ACOXL: variants seen among roughly 807,000 people sequenced by gnomAD.
ACOXL encodes the protein acyl-coenzyme A oxidase-like protein.
Under a neutral mutation model 71.9 loss-of-function variants are expected in ACOXL, and 70 were observed. That is an observed-to-expected ratio of 0.97 (90% CI 0.80 to 1.19). The LOEUF is 1.19. ACOXL is among the 50% of genes most tolerant of loss of function. The pLI is 0.00. For synonymous variants in ACOXL, 253 were observed against 281.6 expected, an observed-to-expected ratio of 0.90 and a Z score of 1.02; for missense variants, 703 against 736.3, an observed-to-expected ratio of 0.95 and a Z score of 0.52.
At chr2:110,772,614 C>T (rs1422982818) in intron 2 of ACOXL, among the ~76,000 whole-genome samples, 1 of 152,198 alleles carries the variant, frequency 6.6e-6, no homozygotes. Flanking sequence ...CCTTCTTCCC[C>T]TCCCCCAACC....
At chr2:110,768,819 T>C (rs1227820698) in intron 2 of ACOXL, among the ~76,000 whole-genome samples, 1 of 152,144 alleles carries the variant, frequency 6.6e-6, no homozygotes, top group African/African-American at 2.4e-5. Flanking sequence ...TTTCTGTTCC[T>C]ATGTTAATTT....
At chr2:110,776,563 G>A (rs1682678900) in intron 2 of ACOXL, among the ~76,000 whole-genome samples, 1 of 151,828 alleles carries the variant, frequency 6.6e-6, no homozygotes, top group East Asian at 1.9e-4. Flanking sequence ...GGAGGTCGGT[G>A]AACAGCATCC....
intron 15 of ACOXL, among the ~76,000 whole-genome samples, chr2:111,048,124 G>A (rs1395653600): frequency 1.3e-5 from 2 of 152,236 alleles, no homozygotes; most frequent in East Asian, 1.9e-4. Context: ...GAATCAGACT[G>A]TCCCTCAGCC....
At chr2:110,844,550 CTT>C (rs72290322) in intron 10 of ACOXL, among the ~76,000 whole-genome samples, 34 of 133,506 alleles carry the variant, frequency 2.5e-4, no homozygotes, top group East Asian at 1.5e-3. Flanking sequence ...CTTTTCTTTT[CTT>C]TTTTTTTTTT....
chr2:111,053,669 C>T (rs755050932), intron 16 of ACOXL, among the ~76,000 whole-genome samples: 1 of 152,184 alleles, frequency 6.6e-6, no homozygotes, highest in African/African-American at 2.4e-5. Context: ...AGTCTGCACT[C>T]GCACCATCAT....
intron 9 of ACOXL, among the ~76,000 whole-genome samples, chr2:110,831,788 T>C (rs951355880): frequency 6.6e-6 from 1 of 152,122 alleles, no homozygotes; most frequent in African/African-American, 2.4e-5. Context: ...CAATTGCCCG[T>C]TGATTCTTTA....
rs745480106 is a variant in ACOXL, at chr2:110,793,650, T to C, written c.160T>C (p.Cys54Arg). 6.2e-7 allele frequency: 1 copy of C among 1,613,818 alleles called. No individual in the cohort carries two copies. Among genetic ancestry groups the C allele is most frequent in the East Asian group, 2.2e-5 (1 of 44,876 alleles). ...TGGTTTGTATTGTCCTTGTTTCCAG[T>C]GCGGAATAATTTATTGGCTATTTGG... ...SMADMATGVK[C>R]GIIYWLFGGA... Residue 54 changes from cysteine to arginine, a missense_variant and splice_region_variant, in exon 4 of 18, where the codon TGC becomes CGC. Physicochemically the swap from Cys to Arg is radical, Grantham distance 180. Coordinates refer to ENST00000439055, the MANE Select transcript of ACOXL (RefSeq NM_001142807.4).
chr2:110,995,818 C>T, intron 13 of ACOXL, 75 bp from the exon 14 acceptor site: 3 of 1,162,532 alleles, frequency 2.6e-6, no homozygotes, highest in Non-Finnish European at 3.9e-6. Context: ...AAAAAACAAA[C>T]CTACTCTATT....
chr2:110,773,725 C>T (rs1353475022), intron 2 of ACOXL, among the ~76,000 whole-genome samples: 1 of 152,234 alleles, frequency 6.6e-6, no homozygotes. Flanking sequence ...TATATACTGT[C>T]TTTGGCAGGA....
chr2:111,044,549 C>G (rs893970019), intron 15 of ACOXL, among the ~76,000 whole-genome samples: 1 of 152,192 alleles, frequency 6.6e-6, no homozygotes, highest in Non-Finnish European at 1.5e-5. Context: ...AGCACTGAAG[C>G]CCCAGGTGCA....
intron 2 of ACOXL, among the ~76,000 whole-genome samples, chr2:110,779,174 T>C (rs1324191905): frequency 1.3e-5 from 2 of 152,240 alleles, no homozygotes; most frequent in Non-Finnish European, 2.9e-5. Context: ...TCATCAATCC[T>C]GCACTGGGCT....
chr2:111,104,172 A>T (rs1195729256), intron 17 of ACOXL, among the ~76,000 whole-genome samples: 1 of 152,200 alleles, frequency 6.6e-6, no homozygotes, highest in African/African-American at 2.4e-5. Flanking sequence ...CTTCCTTTTT[A>T]TCGCTAAGTA....
At chr2:110,841,349 T>A in intron 9 of ACOXL, 22 bp from the exon 10 acceptor site, 1 of 1,589,920 alleles carries the variant, frequency 6.3e-7, no homozygotes, top group Non-Finnish European at 8.6e-7. Context: ...CTTAATTTGT[T>A]TTTCTCTCTT....
At chr2:110,898,459 C>T (rs2059103179) in intron 10 of ACOXL, among the ~76,000 whole-genome samples, 1 of 152,096 alleles carries the variant, frequency 6.6e-6, no homozygotes. Context: ...TCAATTTGAT[C>T]TACCATATTA....
At chr2:110,783,125 T>C in intron 2 of ACOXL, among the ~76,000 whole-genome samples, 1 of 152,204 alleles carries the variant, frequency 6.6e-6, no homozygotes, top group East Asian at 1.9e-4. Flanking sequence ...CAGGTGACTC[T>C]GGTGGGACAA....
At chr2:110,967,738 C>G (rs2061994533) in intron 12 of ACOXL, 2 of 517,734 alleles carry the variant, frequency 3.9e-6, no homozygotes, top group Non-Finnish European at 3.5e-6. Flanking sequence ...AACTACTAGA[C>G]AGCAAATCAG....
chr2:110,796,731 C>T (rs993054631), intron 5 of ACOXL, among the ~76,000 whole-genome samples: 3 of 152,192 alleles, frequency 2.0e-5, no homozygotes, highest in African/African-American at 7.2e-5. Context: ...GCCCTGGCTA[C>T]CCTGATAAGA....
At chr2:111,004,838 A>G (rs1015599538) in intron 14 of ACOXL, among the ~76,000 whole-genome samples, 1 of 152,170 alleles carries the variant, frequency 6.6e-6, no homozygotes, top group Non-Finnish European at 1.5e-5. Flanking sequence ...GGGACAGAGA[A>G]CGGAGAGTGA....
rs79928054 is a variant in ACOXL, at chr2:110,874,197, G to A, written c.788+32792G>A. 3.4e-4 allele frequency among the ~76,000 whole-genome samples: 52 copies of A among 152,318 alleles called. No individual in the cohort carries two copies. In the East Asian group the frequency reaches 5.4e-3, roughly 16 times the overall value. Reference sequence around the variant, plus strand: ...CAAGGCAGCAGGGGACAACGGAACCGAACAGAATGCTTTTGGGGGGGTGGT... The same window carrying A: ...CAAGGCAGCAGGGGACAACGGAACCAAACAGAATGCTTTTGGGGGGGTGGT... On this transcript the variant is annotated intron_variant, in intron 10 of 17. Coordinates refer to ENST00000439055, the MANE Select transcript of ACOXL (RefSeq NM_001142807.4).
Sources: allele counts gnomAD v4.1 joint callset (sites outside exome capture counted in the v4.1 genomes callset), GRCh38; gene constraint gnomAD v4.1.1; transcripts MANE v1.5; gene names NCBI Gene and HGNC (gene_info 2026-07-23, HGNC 2026-07-21).